Variants in BRF2 observed in about 807,000 individuals in gnomAD.
BRF2 encodes BRF2 general transcription factor IIIB subunit.
In BRF2, 17 loss-of-function variants were observed where a neutral mutation model predicts 26.6. That is an observed-to-expected ratio of 0.64 (90% CI 0.44 to 0.96). The LOEUF is 0.96. BRF2 is among the 40% of genes least tolerant of loss of function. The pLI, the probability that BRF2 is intolerant of heterozygous loss-of-function variation, is 0.00. For missense variants in BRF2, 515 were observed against 537.0 expected, an observed-to-expected ratio of 0.96 and a Z score of 0.40; for synonymous variants, 219 against 226.6, an observed-to-expected ratio of 0.97 and a Z score of 0.30.
At chr8:37,845,235 T>C (rs761618561) in intron 3 of BRF2, 22 bp from the exon 4 acceptor site, 51 of 1,592,104 alleles carry the variant, frequency 3.2e-5, no homozygotes, top group Non-Finnish European at 3.7e-5. Context: ...AAAATGAGGG[T>C]TGGATCTTAA....
At position 37,844,097 on chromosome 8, in the gene BRF2, A is replaced by T. The variant is rs1199741581; in HGVS notation, c.*393T>A. 3 of 210,872 alleles carry T rather than the reference A, an allele frequency of 1.4e-5. No homozygotes were observed. The highest frequency in any genetic ancestry group is 2.9e-5 in the Non-Finnish European group (3 of 103,140). 13.1% of individuals were successfully genotyped at this position (210,872 alleles called of 1,614,324 possible). Reference sequence around the variant, plus strand: ...GAATTCCCCAGTTCCCGCTCCTCTGAGGGTTGATACTGCTGGGAATGCCAA... The same window carrying T: ...GAATTCCCCAGTTCCCGCTCCTCTGTGGGTTGATACTGCTGGGAATGCCAA... On this transcript the variant is annotated 3_prime_UTR_variant, in exon 4 of 4. Transcript: ENST00000220659.
intron 2 of BRF2, 28 bp downstream of exon 2, chr8:37,848,568 C>T (rs1466151731): frequency 6.2e-7 from 1 of 1,610,472 alleles, no homozygotes; most frequent in Non-Finnish European, 8.5e-7. Context: ...TCTTTAAAGC[C>T]ACTGTGTTGT....
intron 3 of BRF2, among the ~76,000 whole-genome samples, chr8:37,846,332 A>G (rs963103494): frequency 6.6e-6 from 1 of 151,658 alleles, no homozygotes; most frequent in Admixed American, 6.6e-5. Context: ...TGGGCAACAC[A>G]GCAAGACTCG....
chr8:37,849,414 T>C (rs1199497751), intron 1 of BRF2, among the ~76,000 whole-genome samples: 1 of 152,214 alleles, frequency 6.6e-6, no homozygotes, highest in Non-Finnish European at 1.5e-5. Context: ...TTATTCAATA[T>C]TTATTACACG....
chr8:37,847,316 C>T, intron 2 of BRF2, 141 bp from the exon 3 acceptor site: 1 of 733,410 alleles, frequency 1.4e-6, no homozygotes, highest in South Asian at 1.5e-5. Context: ...TCTGCATAGA[C>T]AGGAGTGACA....
In BRF2 at chr8:37,844,098, G is replaced by A. The variant is rs867456887; in HGVS notation, c.*392C>T. The stretch of plus-strand genomic sequence containing the variant: ...AATTCCCCAGTTCCCGCTCCTCTGA[G>A]GGTTGATACTGCTGGGAATGCCAAC... On this transcript the variant is annotated 3_prime_UTR_variant, in exon 4 of 4. Transcript: ENST00000220659. The A allele has an allele frequency of 7.9e-5, 17 of 216,320 alleles. No homozygotes were observed. The highest frequency in any genetic ancestry group is 3.4e-4 in the African/African-American group (15 of 44,696). The allele number at this position is 216,320 out of a possible 1,614,324, so 13.4% of individuals were successfully genotyped here.
In BRF2 at chr8:37,844,843, G is replaced by C; in HGVS notation, c.907C>G (p.His303Asp). The change falls in exon 4 of 4, where the codon CAC becomes GAC. Residue 303 changes from histidine (H) to aspartate (D), a missense_variant. Physicochemically the swap from His to Asp is moderately conservative, Grantham distance 81. Coordinates refer to ENST00000220659, the MANE Select transcript of BRF2 (RefSeq NM_018310.4). ...VVKHIGDLLQ[H>D]RQSLVRSAFR... The stretch of plus-strand genomic sequence containing the variant: ...GCAGAGCGGACCAGTGACTGGCGGT[G>C]CTGGAGAAGGTCACCGATGTGCTTC... 1 of 1,614,212 alleles carries C rather than the reference G, an allele frequency of 6.2e-7. No individual in the cohort carries two copies. The highest frequency in any genetic ancestry group is 8.5e-7 in the Non-Finnish European group (1 of 1,180,046).
chr8:37,848,735 C>A (rs1806011026), intron 1 of BRF2, 80 bp from the exon 2 acceptor site: 3 of 1,191,442 alleles, frequency 2.5e-6, no homozygotes, highest in Admixed American at 1.7e-5. Context: ...AAAACCAGGA[C>A]GCAAAATTCA....
rs553672854 is a variant in BRF2 at position 37,848,436 on chromosome 8, G to C, written c.214+160C>G. Among the ~76,000 whole-genome samples, 47 of 151,810 alleles carry C rather than the reference G, an allele frequency of 3.1e-4. 1 individual carries two copies. The South Asian group carries it at 8.7e-3, about 28-fold the overall frequency. On this transcript the variant is annotated intron_variant, in intron 2 of 3. Transcript: ENST00000220659. ...TAATTTTTGTATTTTTAGTAGAGAC[G>C]GGGTTTCGCTATGTTTGCCAGGCTG... is the stretch of plus-strand genomic sequence containing the variant.
At chr8:37,847,287 T>A (rs1229393655) in intron 2 of BRF2, 112 bp from the exon 3 acceptor site, 3 of 870,902 alleles carry the variant, frequency 3.4e-6, no homozygotes, top group Non-Finnish European at 5.7e-6. Flanking sequence ...AGATATCAGA[T>A]GCACAAATTA....
In BRF2 at chr8:37,844,589, A is replaced by G. The variant is rs1192477698; in HGVS notation, c.1161T>C (p.Ser387=). 3 of 1,614,102 alleles carry G rather than the reference A, an allele frequency of 1.9e-6. No individual in the cohort carries two copies. The Admixed American group carries it at 5.0e-5, about 27-fold the overall frequency. ...TVTGDENISD[S]EIEQYLRTPQ... is the part of the protein sequence containing the mutation. ...GGGTACGCAAATACTGTTCTATTTC[A>G]CTATCAGAAATGTTCTCATCTCCAG... The change falls in exon 4 of 4, where the codon AGT becomes AGC. Residue 387 remains serine, a synonymous_variant. Transcript: ENST00000220659.
Position 37,844,486 on chromosome 8 carries a change from T to A in BRF2, c.*4A>T, listed in dbSNP as rs1291648226. 1.2e-6 allele frequency: 2 copies of A among 1,611,110 alleles called. No homozygotes were observed. Among genetic ancestry groups the A allele is most frequent in the African/African-American group, 1.3e-5 (1 of 74,846 alleles). On this transcript the variant is annotated 3_prime_UTR_variant, in exon 4 of 4. Coordinates refer to ENST00000220659, the MANE Select transcript of BRF2 (RefSeq NM_018310.4). ...CAGGATGAAGTGCTCCCAGTGGATA[T>A]CCATCAGGGAGGGTTAGGGACACTC... is the stretch of plus-strand genomic sequence containing the variant.
chr8:37,844,044 T>A lies in BRF2; in HGVS notation c.*446A>T, dbSNP rs1805898804. The A allele has an allele frequency of 5.5e-6, 1 of 181,598 alleles. No homozygotes were observed. Among genetic ancestry groups the A allele is most frequent in the African/African-American group, 2.3e-5 (1 of 42,824 alleles). The allele number at this position is 181,598 out of a possible 1,614,324, so 11.2% of individuals were successfully genotyped here. ...TCATGACACCATACACACAAACCCA[T>A]CATTGCCTGTGAATGCACGTAGGGC... On this transcript the variant is annotated 3_prime_UTR_variant, in exon 4 of 4. Coordinates refer to ENST00000220659, the MANE Select transcript of BRF2 (RefSeq NM_018310.4).
intron 3 of BRF2, among the ~76,000 whole-genome samples, chr8:37,846,029 T>C (rs1162811826): frequency 6.6e-6 from 1 of 152,148 alleles, no homozygotes; most frequent in African/African-American, 2.4e-5. Flanking sequence ...ATTAGGTTGC[T>C]GTGAAGGCAA....
At chr8:37,849,599 C>A in intron 1 of BRF2, 31 bp downstream of exon 1, 1 of 1,579,184 alleles carries the variant, frequency 6.3e-7, no homozygotes, top group African/African-American at 1.3e-5. Context: ...ATCCCTCCAC[C>A]GCCCCAGGCT....
At chr8:37,845,367 A>G (rs1686057652) in intron 3 of BRF2, among the ~76,000 whole-genome samples, 154 bp from the exon 4 acceptor site, 1 of 151,878 alleles carries the variant, frequency 6.6e-6, no homozygotes, top group Non-Finnish European at 1.5e-5. Flanking sequence ...GTGAGAGAAA[A>G]CAGGGCGTCT....
rs753524414 is a variant in BRF2, at chr8:37,849,743, T to C, written c.41A>G (p.Glu14Gly). 6.2e-7 allele frequency: 1 copy of C among 1,613,080 alleles called. No individual in the cohort carries two copies. The highest frequency in any genetic ancestry group is 8.5e-7 in the Non-Finnish European group (1 of 1,179,910). Residue 14 changes from glutamate (E) to glycine (G), a missense_variant, in exon 1 of 4, where the codon GAG becomes GGG. By Grantham distance (98) the Glu-to-Gly change is moderately conservative. Transcript: ENST00000220659. Reference protein sequence around the residue: ...RGRCPDCGSTELVEDSHYSQS... With the variant: ...RGRCPDCGSTGLVEDSHYSQS... ...CGAATAGTGCGAGTCTTCCACCAGC[T>C]CCGTGGAGCCGCAGTCCGGGCAGCG...
chr8:37,846,692 C>T (rs1051250822), intron 3 of BRF2, among the ~76,000 whole-genome samples, 162 bp downstream of exon 3: 4 of 151,640 alleles, frequency 2.6e-5, no homozygotes, highest in Non-Finnish European at 5.9e-5. Flanking sequence ...GCTTGAACCC[C>T]GGAGGCGGAG....
At position 37,844,594 on chromosome 8, in the gene BRF2, C is replaced by G; in HGVS notation, c.1156G>C (p.Asp386His). 1 of 1,614,132 alleles carries G rather than the reference C, an allele frequency of 6.2e-7. No individual in the cohort carries two copies. The highest frequency in any genetic ancestry group is 8.5e-7 in the Non-Finnish European group (1 of 1,180,020). The part of the protein sequence containing the change: ...STVTGDENIS[D>H]SEIEQYLRTP... ...CGCAAATACTGTTCTATTTCACTAT[C>G]AGAAATGTTCTCATCTCCAGTGACA... Residue 386 changes from aspartate to histidine, a missense_variant, in exon 4 of 4, where the codon GAT becomes CAT. By Grantham distance (81) the Asp-to-His change is moderately conservative (BLOSUM62 -1). Transcript: ENST00000220659.
Sources: allele counts gnomAD v4.1 joint callset (sites outside exome capture counted in the v4.1 genomes callset), GRCh38; gene constraint gnomAD v4.1.1; transcripts MANE v1.5; gene names NCBI Gene and HGNC (gene_info 2026-07-23, HGNC 2026-07-21).